SLC35F3: variants seen among roughly 807,000 people sequenced by gnomAD.
The protein encoded by SLC35F3 is solute carrier family 35 member F3.
In SLC35F3, 25 loss-of-function variants were observed where a neutral mutation model predicts 49.9. The ratio of observed to expected loss-of-function variants is 0.50; its 90% CI spans 0.37 to 0.70. SLC35F3 has a LOEUF of 0.70. SLC35F3 is among the 30% of genes least tolerant of loss of function. SLC35F3 has a pLI of 0.00. For synonymous variants in SLC35F3, 275 were observed against 265.4 expected (o/e 1.04, Z -0.35); for missense variants, 525 against 639.8 (o/e 0.82, Z 1.94).
At chr1:234,047,123 T>C (rs1572031496) in intron 2 of SLC35F3, among the ~76,000 whole-genome samples, 1 of 152,244 alleles carries the variant, frequency 6.6e-6, no homozygotes, top group South Asian at 2.1e-4. Flanking sequence ...CTTTTTCATA[T>C]TCTTCTGAGG....
rs907783359 is a variant in SLC35F3 at position 234,321,046 on chromosome 1, C to A, written c.1237+859C>A. On this transcript the variant is annotated intron_variant, in intron 7 of 7. Transcript: ENST00000366618. ...AGGCCATTAAAAGATTGCCCCCCCC[C>A]CACCCCAAAGGAATGGCAAACCCTT... is the stretch of plus-strand genomic sequence containing the variant. Among the ~76,000 whole-genome samples, 974 of 139,484 alleles carry A rather than the reference C, an allele frequency of 7.0e-3. 8 individuals are homozygous for A. The highest frequency in any genetic ancestry group is 0.01 in the South Asian group (41 of 3,966). 91.5% of individuals were successfully genotyped at this position (139,484 alleles called of 152,430 possible).
chr1:233,956,793 A>T (rs1229024679), intron 2 of SLC35F3, among the ~76,000 whole-genome samples: 1 of 152,166 alleles, frequency 6.6e-6, no homozygotes, highest in African/African-American at 2.4e-5. Flanking sequence ...ACCTGGTGGG[A>T]GGTGAGAATG....
intron 2 of SLC35F3, among the ~76,000 whole-genome samples, chr1:234,192,105 A>G (rs928223388): frequency 2.6e-5 from 4 of 152,174 alleles, no homozygotes; most frequent in East Asian, 1.9e-4. Flanking sequence ...AAATCATTCT[A>G]TGAAGTCAGT....
At chr1:234,307,712 G>T (rs949467428) in intron 3 of SLC35F3, among the ~76,000 whole-genome samples, 3 of 152,178 alleles carry the variant, frequency 2.0e-5, no homozygotes, top group African/African-American at 7.2e-5. Flanking sequence ...TAGATCACTA[G>T]CAGGCTGACT....
intron 2 of SLC35F3, among the ~76,000 whole-genome samples, chr1:233,987,129 A>G (rs774688972): frequency 4.0e-5 from 6 of 148,424 alleles, no homozygotes; most frequent in Non-Finnish European, 5.9e-5. Flanking sequence ...TCTACCAAAA[A>G]TACAAAAAAA....
intron 2 of SLC35F3, among the ~76,000 whole-genome samples, chr1:233,940,369 C>CACAGAG (rs1275705770): frequency 2.0e-5 from 3 of 146,868 alleles, no homozygotes; most frequent in African/African-American, 7.6e-5. Context: ...CACACACACA[C>CACAGAG]AGAGAGAGAG....
At chr1:234,005,540 G>A (rs942541398) in intron 2 of SLC35F3, among the ~76,000 whole-genome samples, 2 of 152,162 alleles carry the variant, frequency 1.3e-5, no homozygotes, top group African/African-American at 2.4e-5. Context: ...AATAGATAAC[G>A]TTGATAATGA....
chr1:234,285,275 C>T (rs1668401958), intron 3 of SLC35F3: 3 of 455,176 alleles, frequency 6.6e-6, no homozygotes, highest in Admixed American at 2.3e-5. Context: ...CCATCAACAT[C>T]CTTATCCAGA....
chr1:233,953,664 T>C (rs946084858), intron 2 of SLC35F3, among the ~76,000 whole-genome samples: 2 of 150,590 alleles, frequency 1.3e-5, no homozygotes, highest in African/African-American at 5.0e-5. Context: ...AGGAAGAAGA[T>C]TTAGGAGAGA....
chr1:234,067,082 A>G lies in SLC35F3; in HGVS notation c.283+161324A>G, dbSNP rs771065342. 1.7e-4 allele frequency among the ~76,000 whole-genome samples: 26 copies of G among 152,308 alleles called. No individual in the cohort carries two copies. In the South Asian group the frequency reaches 4.1e-3, roughly 24 times the overall value. ...CTGCTTTCTTAGTTCTGATTTGTCA[A>G]AGTTTATCACCACAATCATCATTTG... On this transcript the variant is annotated intron_variant, in intron 2 of 7. Coordinates refer to ENST00000366618, the MANE Select transcript of SLC35F3 (RefSeq NM_173508.4).
chr1:234,109,877 G>C (rs1303184444), intron 2 of SLC35F3, among the ~76,000 whole-genome samples: 1 of 152,208 alleles, frequency 6.6e-6, no homozygotes, highest in Non-Finnish European at 1.5e-5. Flanking sequence ...AGGCATTTGA[G>C]CTGGGCTTTG....
chr1:234,322,931 C>T, intron 7 of SLC35F3, 77 bp from the exon 8 acceptor site: 1 of 1,224,452 alleles, frequency 8.2e-7, no homozygotes, highest in Non-Finnish European at 1.2e-6. Context: ...AGGAGGGTGC[C>T]CCCAGGCCCT....
In SLC35F3 at chr1:234,231,558, T is replaced by A. The variant is rs756405557; in HGVS notation, c.425T>A (p.Val142Glu). 6.2e-7 allele frequency: 1 copy of A among 1,614,128 alleles called. No individual in the cohort carries two copies. Among genetic ancestry groups the A allele is most frequent in the South Asian group, 1.1e-5 (1 of 91,086 alleles). Residue 142 changes from valine to glutamate, a missense_variant, in exon 3 of 8, where the codon GTG becomes GAG. Around this residue, in one of 4 missense-constraint regions of SLC35F3, gnomAD observed 228 missense variants for 218.9 expected, o/e 1.04. Transcript: ENST00000366618. The surrounding 1 kb of genome is among the most constrained non-coding windows in gnomAD (Gnocchi z 5.4). ...LKKIFWGVAV[V>E]LCVCSSWAGS... ...AAGATCTTCTGGGGCGTGGCGGTCG[T>A]GCTGTGCGTGTGCTCCTCGTGGGCG... is the stretch of plus-strand genomic sequence containing the variant.
chr1:233,905,128 C>T lies in SLC35F3; in HGVS notation c.51C>T (p.Ala17=), dbSNP rs1216493814. Residue 17 remains alanine, a splice_region_variant and synonymous_variant, in exon 1 of 8, where the codon GCC becomes GCT. Transcript: ENST00000366618. ...GCGCACCCAGGGGCAAGAGCATTGC[C>T]GTGTGAGTAGCGCCCCGGGCGTGGG... The part of the protein sequence containing the change: ...PSGAPRGKSI[A]VGMRRSPDVS... 6.4e-7 allele frequency: 1 copy of T among 1,557,132 alleles called. No individual in the cohort carries two copies. Among genetic ancestry groups the T allele is most frequent in the East Asian group, 2.4e-5 (1 of 42,014 alleles).
intron 3 of SLC35F3, among the ~76,000 whole-genome samples, chr1:234,279,887 A>T (rs1485594876): frequency 2.6e-5 from 4 of 152,098 alleles, no homozygotes; most frequent in Admixed American, 6.5e-5. Context: ...CAAATTAGGG[A>T]TGTGTTTTTC....
At chr1:234,106,958 A>C (rs1021808950) in intron 2 of SLC35F3, among the ~76,000 whole-genome samples, 1 of 152,348 alleles carries the variant, frequency 6.6e-6, no homozygotes, top group Admixed American at 6.5e-5. Flanking sequence ...AAATTGTTTA[A>C]GTCACTTTTT....
intron 2 of SLC35F3, among the ~76,000 whole-genome samples, chr1:234,117,655 G>A (rs565047549): frequency 1.3e-5 from 2 of 151,058 alleles, no homozygotes; most frequent in East Asian, 2.0e-4. Context: ...GGGAGGCTGA[G>A]GCTGGTGGAT....
intron 3 of SLC35F3, among the ~76,000 whole-genome samples, chr1:234,290,782 A>G (rs895034174): frequency 6.6e-6 from 1 of 152,218 alleles, no homozygotes; most frequent in Non-Finnish European, 1.5e-5. Context: ...AGAGGAGTTG[A>G]GCACCTGGCC....
chr1:234,146,790 A>G (rs1666004047), intron 2 of SLC35F3, among the ~76,000 whole-genome samples: 1 of 152,192 alleles, frequency 6.6e-6, no homozygotes, highest in Admixed American at 6.5e-5. Context: ...CTGGGATTAC[A>G]GGCATGAGCC....
Sources: allele counts gnomAD v4.1 joint callset (sites outside exome capture counted in the v4.1 genomes callset), GRCh38; gene constraint gnomAD v4.1.1; regional missense constraint gnomAD v4.1.1; non-coding constraint Gnocchi (gnomAD v3.1); transcripts MANE v1.5; gene names NCBI Gene and HGNC (gene_info 2026-07-23, HGNC 2026-07-21).